Variants in MYH13 observed in about 807,000 individuals in gnomAD.
MYH13 encodes the protein myosin-13.
MYH13 carries 177 observed loss-of-function variants against 232.1 expected under a neutral mutation model. That is an observed-to-expected ratio of 0.76 (90% confidence interval 0.67 to 0.86). MYH13 has a LOEUF of 0.86. Ranked by LOEUF, MYH13 falls within the 40% of genes least tolerant of loss-of-function variation. The pLI is 0.00. For missense variants in MYH13, 2,246 were observed against 2,405.9 expected, an observed-to-expected ratio of 0.93 and a Z score of 1.39; for synonymous variants, 884 against 923.5, an observed-to-expected ratio of 0.96 and a Z score of 0.78.
At chr17:10,323,260 T>C (rs1475164767) in intron 23 of MYH13, among the ~76,000 whole-genome samples, 6 of 152,208 alleles carry the variant, frequency 3.9e-5, no homozygotes, top group Non-Finnish European at 7.3e-5. Flanking sequence ...TCCCAAAGGC[T>C]GCATCAGTCT....
chr17:10,324,759 T>TTTTTTTTTTTTTC (rs1907140503), intron 22 of MYH13: 1 of 86,694 alleles, frequency 1.2e-5, no homozygotes, highest in African/African-American at 3.2e-5. Flanking sequence ...TATACATGTT[T>TTTTTTTTTTTTTC]TTTTTTTTTT....
chr17:10,305,208 AG>A (rs1393732909), intron 37 of MYH13, among the ~76,000 whole-genome samples: 4 of 152,242 alleles, frequency 2.6e-5, no homozygotes, highest in Admixed American at 2.6e-4. Flanking sequence ...TCACCATGGG[AG>A]GGGGAGGGTG....
chr17:10,334,836 G>A (rs1216021264), intron 18 of MYH13, among the ~76,000 whole-genome samples: 5 of 151,176 alleles, frequency 3.3e-5, no homozygotes, highest in Admixed American at 2.6e-4. Flanking sequence ...CCGAGATTGT[G>A]CCACTGCACT....
chr17:10,318,106 G>A (rs1428249909), intron 27 of MYH13, among the ~76,000 whole-genome samples: 1 of 152,182 alleles, frequency 6.6e-6, no homozygotes, highest in Non-Finnish European at 1.5e-5. Flanking sequence ...GCCAGGCCTG[G>A]TGGCGTGTGC....
At chr17:10,318,495 G>A (rs1420448438) in intron 27 of MYH13, among the ~76,000 whole-genome samples, 1 of 152,134 alleles carries the variant, frequency 6.6e-6, no homozygotes, top group South Asian at 2.1e-4. Flanking sequence ...ACAGGCCTCC[G>A]ACAGACACCG....
intron 33 of MYH13, among the ~76,000 whole-genome samples, chr17:10,310,097 T>G (rs1906454301): frequency 2.7e-5 from 4 of 149,768 alleles, no homozygotes; most frequent in Non-Finnish European, 6.0e-5. Context: ...GTTTTGTGTT[T>G]TTTTTTTTTT....
chr17:10,329,617 A>G (rs72814750), intron 21 of MYH13, among the ~76,000 whole-genome samples: 1,935 of 152,198 alleles, frequency 0.013, 20 homozygotes, highest in Non-Finnish European at 0.017. Flanking sequence ...CTCTATTCCA[A>G]TGACAGCCAC....
rs1243212451 is a variant in MYH13, at chr17:10,318,808, C to G, written c.3720G>C (p.Glu1240Asp). The G allele has an allele frequency of 1.9e-6, 3 of 1,613,938 alleles. No individual in the cohort carries two copies. The highest frequency in any genetic ancestry group is 2.7e-5 in the African/African-American group (2 of 74,900). Residue 1240 changes from glutamate to aspartate, a missense_variant, in exon 27 of 41, where the codon GAG becomes GAC. Transcript: ENST00000252172. Reference protein sequence around the residue: ...MEIDDMASNIEALSKSKSNIE... With the variant: ...MEIDDMASNIDALSKSKSNIE... ...CAGGTACCTTTGACTTGGAGAGAGC[C>G]TCGATGTTGCTGGCCATGTCGTCAA...
chr17:10,329,999 A>T (rs551352778), intron 21 of MYH13, among the ~76,000 whole-genome samples: 3 of 125,808 alleles, frequency 2.4e-5, no homozygotes, highest in East Asian at 4.5e-4. Context: ...GACTCTGTCT[A>T]AAAAAAAAAA....
chr17:10,353,906 AAG>A (rs2071728768), intron 11 of MYH13, among the ~76,000 whole-genome samples: 1 of 145,098 alleles, frequency 6.9e-6, no homozygotes, highest in African/African-American at 2.5e-5. Flanking sequence ...GAGAAGAAAG[AAG>A]GAGAGAGAGA....
chr17:10,371,921 C>T (rs913063914), intron 1 of MYH13, among the ~76,000 whole-genome samples: 4 of 152,106 alleles, frequency 2.6e-5, no homozygotes, highest in Admixed American at 6.6e-5. Context: ...TTATAAACTA[C>T]GTGGCTATCT....
chr17:10,358,588 T>C (rs1224429633), intron 7 of MYH13, among the ~76,000 whole-genome samples: 1 of 151,766 alleles, frequency 6.6e-6, no homozygotes, highest in Non-Finnish European at 1.5e-5. Context: ...TGAGACTCCA[T>C]CTCTACAAAA....
Position 10,321,554 on chromosome 17 carries a change from T to C in MYH13, c.3089A>G (p.Lys1030Arg), listed in dbSNP as rs780525125. 1.2e-6 allele frequency: 2 copies of C among 1,612,734 alleles called. No homozygotes were observed. The highest frequency in any genetic ancestry group is 1.7e-6 in the Non-Finnish European group (2 of 1,179,644). ...CACATCATCTGTTTGCTGTTCAAGC[T>C]TGGCATTTATTTTGATTAGACCATT... Reference protein sequence around the residue: ...KVNGLIKINAKLEQQTDDLEG... With the variant: ...KVNGLIKINARLEQQTDDLEG... The change falls in exon 24 of 41, where the codon AAG becomes AGG. Residue 1030 changes from lysine to arginine, a missense_variant. Lys to Arg is a conservative substitution (Grantham distance 26). Transcript: ENST00000252172.
intron 34 of MYH13, 34 bp downstream of exon 34, chr17:10,309,488 C>A: frequency 6.2e-7 from 1 of 1,600,890 alleles, no homozygotes; most frequent in South Asian, 1.1e-5. Flanking sequence ...GGCTGGGGCC[C>A]GTCCAGGTAC....
In MYH13 at chr17:10,354,556, AG is replaced by A. The variant is rs2071733792; in HGVS notation, c.1005+123del. 5.8e-6 allele frequency: 5 copies of A among 863,430 alleles called. No individual in the cohort carries two copies. In the South Asian group the frequency reaches 8.6e-5, roughly 15 times the overall value. The allele number at this position is 863,430 out of a possible 1,614,324, so 53.5% of individuals were successfully genotyped here. ...TAATTCTCTGAGCTCTTGATCTCTG[AG>A]ATCTTGAGTCTAATCACTTAGTATC... On this transcript the variant is annotated intron_variant, in intron 11 of 40. Coordinates refer to ENST00000252172, the MANE Select transcript of MYH13 (RefSeq NM_003802.3).
chr17:10,362,208 C>T lies in MYH13; in HGVS notation c.415G>A (p.Val139Met). Residue 139 changes from valine (V) to methionine (M), a missense_variant, in exon 5 of 41, where the codon GTG becomes ATG. Coordinates refer to ENST00000252172, the MANE Select transcript of MYH13 (RefSeq NM_003802.3). ...TTTTTGCCTCTGTAGGCAGCCACCACCTCGGGCTTGTACACCGGCAGCCAC... is the reference window on the plus strand; with the variant it reads ...TTTTTGCCTCTGTAGGCAGCCACCATCTCGGGCTTGTACACCGGCAGCCAC... ...YKWLPVYKPE[V>M]VAAYRGKKRQ... 1 of 1,613,944 alleles carries T rather than the reference C, an allele frequency of 6.2e-7. No homozygotes were observed. The highest frequency in any genetic ancestry group is 8.5e-7 in the Non-Finnish European group (1 of 1,179,852).
In MYH13 at chr17:10,332,086, T is replaced by C. The variant is rs2142246491; in HGVS notation, c.2298+13A>G. On this transcript the variant is annotated intron_variant, in intron 20 of 40. Transcript: ENST00000252172. ...GGGGTTACTAGGGGAGTCCCAGCCT[T>C]GCCTGTGCTCACCTTGGTGTTGCCG... 6.2e-7 allele frequency: 1 copy of C among 1,613,616 alleles called. No individual in the cohort carries two copies. The highest frequency in any genetic ancestry group is 8.5e-7 in the Non-Finnish European group (1 of 1,179,762).
At position 10,364,539 on chromosome 17, in the gene MYH13, A is replaced by G; in HGVS notation, c.-9T>C. 6.3e-7 allele frequency: 1 copy of G among 1,576,956 alleles called. No homozygotes were observed. The highest frequency in any genetic ancestry group is 8.6e-7 in the Non-Finnish European group (1 of 1,159,386). The stretch of plus-strand genomic sequence containing the variant: ...TCTGCGTCAGAGCTCATGACTGCAG[A>G]GGGCTGGGAAGACCAGAGGGACTGC... On this transcript the variant is annotated 5_prime_UTR_variant, in exon 3 of 41. Coordinates refer to ENST00000252172, the MANE Select transcript of MYH13 (RefSeq NM_003802.3).
At chr17:10,364,038 G>A (rs1031939209) in intron 3 of MYH13, among the ~76,000 whole-genome samples, 1 of 152,154 alleles carries the variant, frequency 6.6e-6, no homozygotes, top group Non-Finnish European at 1.5e-5. Flanking sequence ...GGCCCATCCA[G>A]TATCAGCCTC....
Sources: allele counts gnomAD v4.1 joint callset (sites outside exome capture counted in the v4.1 genomes callset), GRCh38; gene constraint gnomAD v4.1.1; transcripts MANE v1.5; gene names NCBI Gene and HGNC (gene_info 2026-07-23, HGNC 2026-07-21).